Variants in IGSF5 observed in about 807,000 individuals in gnomAD.
IGSF5 encodes immunoglobulin superfamily member 5, also known as immunoglobulin superfamily 5 like.
In IGSF5, 41 loss-of-function variants were observed where a neutral mutation model predicts 39.4. The observed-to-expected ratio is 1.04, with a 90% CI of 0.81 to 1.35. The LOEUF is 1.35. Ranked by LOEUF, IGSF5 falls within the 40% of genes most tolerant of loss-of-function variation. The pLI, the probability that IGSF5 is intolerant of heterozygous loss-of-function variation, is 0.00. For missense variants in IGSF5, 487 were observed against 494.6 expected (o/e 0.98, Z 0.15); for synonymous variants, 183 against 175.3 (o/e 1.04, Z -0.34).
intron 8 of IGSF5, among the ~76,000 whole-genome samples, chr21:39,799,548 G>A (rs16998553): frequency 0.087 from 13,190 of 151,924 alleles, 607 homozygotes; most frequent in South Asian, 0.16. Flanking sequence ...GACATGTATA[G>A]CATTGTTTCT....
At chr21:39,777,899 G>T (rs2080149010) in intron 4 of IGSF5, among the ~76,000 whole-genome samples, 1 of 152,162 alleles carries the variant, frequency 6.6e-6, no homozygotes, top group Admixed American at 6.5e-5. Flanking sequence ...TCCAGTCTGT[G>T]GTTCCAAAGT....
the IGSF5 span, among the ~76,000 whole-genome samples, chr21:39,719,093 A>G: frequency 6.6e-6 from 1 of 152,206 alleles, no homozygotes; most frequent in African/African-American, 2.4e-5. Flanking sequence ...GTATGTGTCC[A>G]GGAATTTATC....
chr21:39,741,127 A>G (rs925815708), upstream of IGSF5, among the ~76,000 whole-genome samples: 21 of 151,634 alleles, frequency 1.4e-4, no homozygotes, highest in Admixed American at 2.6e-4. Context: ...TTTGTGACAT[A>G]TGAGGAAAAG....
chr21:39,799,775 C>T (rs971703933), intron 8 of IGSF5, among the ~76,000 whole-genome samples: 1 of 152,132 alleles, frequency 6.6e-6, no homozygotes, highest in Non-Finnish European at 1.5e-5. Flanking sequence ...TTAATTAACC[C>T]TTCCATATTT....
At chr21:39,712,327 C>T in the IGSF5 span, among the ~76,000 whole-genome samples, 5 of 152,084 alleles carry the variant, frequency 3.3e-5, no homozygotes, top group Non-Finnish European at 7.4e-5. Flanking sequence ...TGCTGTGAAG[C>T]GGGTCCCTGG....
intron 4 of IGSF5, among the ~76,000 whole-genome samples, chr21:39,775,947 T>C (rs1158890618): frequency 6.6e-6 from 1 of 152,208 alleles, no homozygotes; most frequent in African/African-American, 2.4e-5. Flanking sequence ...CCAGTGGCCC[T>C]GTGGCTTCCT....
the IGSF5 span, among the ~76,000 whole-genome samples, chr21:39,722,210 A>G: frequency 6.6e-6 from 1 of 152,190 alleles, no homozygotes; most frequent in Non-Finnish European, 1.5e-5. Context: ...TAGGTCTACA[A>G]AAAAGAGACA....
the IGSF5 span, among the ~76,000 whole-genome samples, chr21:39,720,211 G>A: frequency 3.9e-5 from 6 of 152,078 alleles, no homozygotes; most frequent in African/African-American, 7.2e-5. Flanking sequence ...TGCCTCTCAC[G>A]CACAGTTCAC....
At chr21:39,738,055 G>A in the IGSF5 span, among the ~76,000 whole-genome samples, 1 of 152,106 alleles carries the variant, frequency 6.6e-6, no homozygotes, top group Non-Finnish European at 1.5e-5. The surrounding 1 kb of genome is among the most constrained non-coding windows in gnomAD (Gnocchi z 6.4). Context: ...CTATGTCATC[G>A]ATATCTATTT....
chr21:39,757,067 T>C (rs1722018516), intron 2 of IGSF5, among the ~76,000 whole-genome samples: 1 of 151,030 alleles, frequency 6.6e-6, no homozygotes, highest in African/African-American at 2.4e-5. Context: ...TAGTACCTGC[T>C]CTTTCCTCTG....
At chr21:39,723,297 G>T in the IGSF5 span, among the ~76,000 whole-genome samples, 10 of 152,186 alleles carry the variant, frequency 6.6e-5, no homozygotes, top group African/African-American at 2.2e-4. Flanking sequence ...GTTCAGGAGA[G>T]TCTGCCCTCA....
chr21:39,752,684 T>C (rs1482392882), intron 2 of IGSF5, among the ~76,000 whole-genome samples: 5 of 152,214 alleles, frequency 3.3e-5, no homozygotes, highest in Non-Finnish European at 5.9e-5. Context: ...CTTTGTCTTT[T>C]ATGATAATTC....
intron 2 of IGSF5, among the ~76,000 whole-genome samples, chr21:39,748,301 CTTTTTTTTTTTT>C (rs60669244): frequency 3.4e-5 from 2 of 58,216 alleles, no homozygotes; most frequent in African/African-American, 6.5e-5. Flanking sequence ...AAAACAAGAT[CTTTTTTTTTTTT>C]TTTTTTTTTT....
chr21:39,724,449 C>T, the IGSF5 span, among the ~76,000 whole-genome samples: 1 of 152,244 alleles, frequency 6.6e-6, no homozygotes, highest in Non-Finnish European at 1.5e-5. Flanking sequence ...GTAATTGAAT[C>T]ATGGGGGAGG....
intron 2 of IGSF5, among the ~76,000 whole-genome samples, chr21:39,750,918 T>G (rs1353476502): frequency 6.6e-6 from 1 of 152,150 alleles, no homozygotes; most frequent in African/African-American, 2.4e-5. Flanking sequence ...GGGCGGGAGC[T>G]GAGCAGTGCC....
intron 2 of IGSF5, among the ~76,000 whole-genome samples, chr21:39,752,202 A>G (rs2080009068): frequency 6.6e-6 from 1 of 152,032 alleles, no homozygotes; most frequent in Non-Finnish European, 1.5e-5. Flanking sequence ...CCATTGTGTC[A>G]TTCTTGTGCC....
intron 6 of IGSF5, among the ~76,000 whole-genome samples, chr21:39,788,956 G>C (rs1383673120): frequency 6.6e-6 from 1 of 152,098 alleles, no homozygotes; most frequent in Non-Finnish European, 1.5e-5. Context: ...GAATGAATAT[G>C]GACAATCACC....
chr21:39,743,296 T>C (rs1018740209), upstream of IGSF5, among the ~76,000 whole-genome samples: 2 of 151,872 alleles, frequency 1.3e-5, no homozygotes, highest in African/African-American at 2.4e-5. Flanking sequence ...GCTGCAGTAA[T>C]GGTGGCACTT....
intron 6 of IGSF5, among the ~76,000 whole-genome samples, chr21:39,791,231 A>T (rs933920492): frequency 6.6e-6 from 1 of 152,218 alleles, no homozygotes; most frequent in Non-Finnish European, 1.5e-5. Context: ...ATGCCATGGA[A>T]TTCCATTTTA....
Sources: allele counts gnomAD v4.1 joint callset (sites outside exome capture counted in the v4.1 genomes callset), GRCh38; gene constraint gnomAD v4.1.1; non-coding constraint Gnocchi (gnomAD v3.1); transcripts MANE v1.5; gene names NCBI Gene and HGNC (gene_info 2026-07-23, HGNC 2026-07-21).